EPS8: variants seen among roughly 807,000 people sequenced by gnomAD.
EPS8 encodes the protein EGFR pathway substrate 8, signaling adaptor.
In EPS8, 42 loss-of-function variants were observed where a neutral mutation model predicts 103.8. The observed-to-expected ratio is 0.40, with a 90% CI of 0.32 to 0.52. The LOEUF is 0.52. EPS8 is among the 20% of genes least tolerant of loss of function. The probability of loss-of-function intolerance (pLI) is 0.40; values close to 1 mark genes in which losing one functional copy is unlikely to be tolerated. For missense variants in EPS8, 969 were observed against 1,005.1 expected (o/e 0.96, Z 0.49); for synonymous variants, 344 against 344.6 (o/e 1.00, Z 0.02).
chr12:15,784,552 T>C lies in EPS8; in HGVS notation c.-22+4609A>G, dbSNP rs1425820190. Among the ~76,000 whole-genome samples, 1 of 152,166 alleles carries C rather than the reference T, an allele frequency of 6.6e-6. No homozygotes were observed. Among genetic ancestry groups the C allele is most frequent in the Non-Finnish European group, 1.5e-5 (1 of 67,978 alleles). ...TTCATTGCTGGTGAGAATGTAATAG[T>C]ACAGCCACTTCGGAAAACAGTTTGG... is the stretch of plus-strand genomic sequence containing the variant. On this transcript the variant is annotated intron_variant, in intron 1 of 20. Transcript: ENST00000281172. This position sits in a 1 kb window ranked among gnomAD's most constrained non-coding sequence, Gnocchi z 4.0.
At position 15,764,861 on chromosome 12, in the gene EPS8, A is replaced by T. The variant is rs1334849208; in HGVS notation, c.-22+24300T>A. ...CTAATACAAGTAATTCAATAAAAAA[A>T]CAAGTAGTATCTACAACCATTAAAA... On this transcript the variant is annotated intron_variant, in intron 1 of 20. Coordinates refer to ENST00000281172, the MANE Select transcript of EPS8 (RefSeq NM_004447.6). The surrounding 1 kb of genome is among the most constrained non-coding windows in gnomAD (Gnocchi z 4.1). 1.3e-5 allele frequency among the ~76,000 whole-genome samples: 2 copies of T among 152,246 alleles called. No individual in the cohort carries two copies. Among genetic ancestry groups the T allele is most frequent in the South Asian group, 4.1e-4 (2 of 4,836 alleles).
intron 1 of EPS8, among the ~76,000 whole-genome samples, chr12:15,718,557 C>G (rs2135972413): frequency 6.6e-6 from 1 of 152,248 alleles, no homozygotes; most frequent in Admixed American, 6.5e-5. Context: ...CATGTAGTAT[C>G]AATATTTCCC....
intron 1 of EPS8, among the ~76,000 whole-genome samples, chr12:15,770,756 A>T (rs1471536550): frequency 6.6e-6 from 1 of 152,220 alleles, no homozygotes; most frequent in Non-Finnish European, 1.5e-5. Flanking sequence ...TGTCACCATG[A>T]TTAAGCTTTT....
intron 6 of EPS8, among the ~76,000 whole-genome samples, chr12:15,667,106 C>T (rs930593363): frequency 7.2e-5 from 11 of 152,102 alleles, no homozygotes; most frequent in African/African-American, 4.8e-5. Context: ...TGGGGAGCAA[C>T]GTGAGATTAG....
chr12:15,645,869 T>G (rs141560403), intron 15 of EPS8, among the ~76,000 whole-genome samples: 1 of 152,342 alleles, frequency 6.6e-6, no homozygotes, highest in Non-Finnish European at 1.5e-5. Context: ...ACTCTACATA[T>G]GTACTCAAGT....
chr12:15,715,394 CTTTTT>C, intron 1 of EPS8, among the ~76,000 whole-genome samples: 1 of 127,186 alleles, frequency 7.9e-6, no homozygotes, highest in South Asian at 2.3e-4. Flanking sequence ...CTTTACTTTT[CTTTTT>C]TTTTTTTTTT....
chr12:15,647,544 A>G (rs1025523638), intron 14 of EPS8, among the ~76,000 whole-genome samples: 2 of 152,240 alleles, frequency 1.3e-5, no homozygotes, highest in Non-Finnish European at 2.9e-5. Flanking sequence ...ACTGAACCCT[A>G]TGCATTAAAA....
rs1263892855 is a variant in EPS8, at chr12:15,733,316, AC to A, written c.-21-50345del. On this transcript the variant is annotated intron_variant, in intron 1 of 20. Coordinates refer to ENST00000281172, the MANE Select transcript of EPS8 (RefSeq NM_004447.6). The surrounding 1 kb of genome is among the most constrained non-coding windows in gnomAD (Gnocchi z 4.8). ...GTGTGTGAAGGAGGAACTGTCAAAC[AC>A]TTAATAAAACCATCAGATCTCATGA... Among the ~76,000 whole-genome samples the A allele has an allele frequency of 6.6e-6, 1 of 152,120 alleles. No homozygotes were observed. Among genetic ancestry groups the A allele is most frequent in the Non-Finnish European group, 1.5e-5 (1 of 68,032 alleles).
intron 1 of EPS8, among the ~76,000 whole-genome samples, chr12:15,768,395 G>A (rs1295920106): frequency 3.3e-5 from 4 of 119,552 alleles, no homozygotes; most frequent in African/African-American, 9.9e-5. Flanking sequence ...CTGAGATTAC[G>A]CCACTGCACT....
intron 17 of EPS8, among the ~76,000 whole-genome samples, chr12:15,632,945 A>G (rs965062711): frequency 6.6e-6 from 1 of 152,110 alleles, no homozygotes; most frequent in Non-Finnish European, 1.5e-5. Flanking sequence ...GGAAGTGGGA[A>G]GCGTATTATG....
chr12:15,628,749 TC>T (rs1430338972), intron 18 of EPS8, among the ~76,000 whole-genome samples: 1 of 152,206 alleles, frequency 6.6e-6, no homozygotes, highest in African/African-American at 2.4e-5. Flanking sequence ...TTGATAGATT[TC>T]TATGAGTATT....
At position 15,700,473 on chromosome 12, in the gene EPS8, C is replaced by T. The variant is rs1001436471; in HGVS notation, c.-21-17501G>A. 2.0e-5 allele frequency among the ~76,000 whole-genome samples: 3 copies of T among 152,156 alleles called. No homozygotes were observed. Among genetic ancestry groups the T allele is most frequent in the Non-Finnish European group, 4.4e-5 (3 of 68,024 alleles). Reference sequence around the variant, plus strand: ...CTCTAAAATTTACATAACTGGTCACCTGACTCCACTCCTTTCTGAAGCAAA... The same window carrying T: ...CTCTAAAATTTACATAACTGGTCACTTGACTCCACTCCTTTCTGAAGCAAA... On this transcript the variant is annotated intron_variant, in intron 1 of 20. Transcript: ENST00000281172. This position sits in a 1 kb window ranked among gnomAD's most constrained non-coding sequence, Gnocchi z 5.1.
intron 1 of EPS8, among the ~76,000 whole-genome samples, chr12:15,711,923 G>A (rs896371389): frequency 5.3e-5 from 8 of 152,068 alleles, no homozygotes; most frequent in Non-Finnish European, 1.2e-4. Flanking sequence ...AACTTAATCA[G>A]TTATTTATTT....
chr12:15,623,061 C>G, intron 20 of EPS8, 97 bp downstream of exon 20: 1 of 1,193,150 alleles, frequency 8.4e-7, no homozygotes, highest in East Asian at 2.5e-5. Context: ...TAATTCAGCT[C>G]TGTTAAGAAA....
chr12:15,663,938 A>ATAAT (rs1398079111), intron 8 of EPS8, among the ~76,000 whole-genome samples: 113 of 36,372 alleles, frequency 3.1e-3, no homozygotes, highest in East Asian at 5.6e-3. Context: ...AAAAAAAAAA[A>ATAAT]AAAAAAAATA....
At position 15,704,021 on chromosome 12, in the gene EPS8, A is replaced by T. The variant is rs1946350062; in HGVS notation, c.-21-21049T>A. On this transcript the variant is annotated intron_variant, in intron 1 of 20. Coordinates refer to ENST00000281172, the MANE Select transcript of EPS8 (RefSeq NM_004447.6). This position sits in a 1 kb window ranked among gnomAD's most constrained non-coding sequence, Gnocchi z 4.6. ...TCCTAGAATTATTAGTTACACAAGA[A>T]ATCCAATGAAGCTATCTTCATCCTA... is the stretch of plus-strand genomic sequence containing the variant. Among the ~76,000 whole-genome samples, 1 of 152,000 alleles carries T rather than the reference A, an allele frequency of 6.6e-6. No individual in the cohort carries two copies. Among genetic ancestry groups the T allele is most frequent in the Non-Finnish European group, 1.5e-5 (1 of 67,988 alleles).
chr12:15,650,950 C>A lies in EPS8; in HGVS notation c.1307G>T (p.Gly436Val), dbSNP rs555365153. The A allele has an allele frequency of 4.3e-6, 7 of 1,614,098 alleles. No individual in the cohort carries two copies. In the Admixed American group the frequency reaches 5.0e-5, roughly 12 times the overall value. Residue 436 changes from glycine (G) to valine (V), a missense_variant, in exon 14 of 21, where the codon GGC (glycine) becomes GTC (valine). Gly to Val is a moderately radical substitution (Grantham distance 109, BLOSUM62 -3). Transcript: ENST00000281172. ...AAAGTTCAGCATTGGGGGCTCCCAG[C>A]CATTGCGGAATCGTGGAACATATGG... ...IPPYVPRFRNGWEPPMLNFMG... is the reference protein window; with the variant it reads ...IPPYVPRFRNVWEPPMLNFMG...
chr12:15,703,195 G>T lies in EPS8; in HGVS notation c.-21-20223C>A, dbSNP rs1483672071. ...TAAATAAAGAAAAATAAGTTCATTT[G>T]GTATTTTTTGGACATTTATGCCTAC... On this transcript the variant is annotated intron_variant, in intron 1 of 20. Transcript: ENST00000281172. Among the ~76,000 whole-genome samples, 8 of 152,022 alleles carry T rather than the reference G, an allele frequency of 5.3e-5. No individual in the cohort carries two copies. In the South Asian group the frequency reaches 1.7e-3, roughly 32 times the overall value.
At chr12:15,766,248 C>T (rs1441983901) in intron 1 of EPS8, among the ~76,000 whole-genome samples, 8 of 150,074 alleles carry the variant, frequency 5.3e-5, no homozygotes, top group African/African-American at 1.2e-4. Context: ...GAGGTCGAGG[C>T]GGGTGGATCA....
Sources: gnomAD v4.1 joint callset for allele counts (sites outside exome capture counted in the v4.1 genomes callset) on GRCh38, gnomAD v4.1.1 for gene constraint, Gnocchi (gnomAD v3.1) non-coding constraint, MANE v1.5 for transcripts, NCBI Gene and HGNC (gene_info 2026-07-23, HGNC 2026-07-21) for gene names.